ANKRD27: variants seen among roughly 807,000 people sequenced by gnomAD.
ANKRD27 encodes the protein ankyrin repeat domain 27.
A neutral mutation model predicts 129.7 loss-of-function variants in ANKRD27; 112 were observed. The ratio of observed to expected loss-of-function variants is 0.86; its 90% CI spans 0.74 to 1.01. The LOEUF (loss-of-function observed/expected upper bound fraction) is 1.01, where lower values mean the gene tolerates loss of function less well. ANKRD27 is among the 50% of genes least tolerant of loss of function. The probability of loss-of-function intolerance (pLI) is 0.00; values close to 1 mark genes in which losing one functional copy is unlikely to be tolerated. For missense variants in ANKRD27, 1,258 were observed against 1,300.5 expected, an observed-to-expected ratio of 0.97 and a Z score of 0.50; for synonymous variants, 516 against 511.2, an observed-to-expected ratio of 1.01 and a Z score of -0.13.
intron 2 of ANKRD27, among the ~76,000 whole-genome samples, chr19:32,657,780 C>G (rs1310042535): frequency 6.6e-6 from 1 of 151,988 alleles, no homozygotes; most frequent in Non-Finnish European, 1.5e-5. Context: ...TCGGGACCAG[C>G]CTGGCCAACA....
intron 12 of ANKRD27, among the ~76,000 whole-genome samples, 159 bp from the exon 13 acceptor site, chr19:32,631,653 C>T (rs1029072227): frequency 2.6e-5 from 4 of 152,158 alleles, no homozygotes; most frequent in African/African-American, 7.2e-5. Context: ...GACGGGCTGA[C>T]GTCAGGTGGG....
intron 24 of ANKRD27, 152 bp downstream of exon 24, chr19:32,605,683 G>T: frequency 9.7e-7 from 1 of 1,030,562 alleles, no homozygotes; most frequent in Non-Finnish European, 1.4e-6. Flanking sequence ...AACCCCGTGT[G>T]GGAAGACGCA....
chr19:32,646,614 T>C lies in ANKRD27; in HGVS notation c.215A>G (p.Asp72Gly), dbSNP rs780042706. 12 of 1,611,416 alleles carry C rather than the reference T, an allele frequency of 7.4e-6. No homozygotes were observed. The highest frequency in any genetic ancestry group is 1.3e-5 in the African/African-American group (1 of 74,754). The change falls in exon 4 of 29, where the codon GAT (aspartate) becomes GGT (glycine). Residue 72 changes from aspartate to glycine, a missense_variant and splice_region_variant. Asp to Gly is a moderately conservative substitution (Grantham distance 94). Transcript: ENST00000306065. Reference protein sequence around the residue: ...EEHFQTLNGKDVFIQGNRIKL... With the variant: ...EEHFQTLNGKGVFIQGNRIKL... The stretch of plus-strand genomic sequence containing the variant: ...AATCCTGTTCCCTTGAATAAAGACA[T>C]CCTGGAAACAAGAAAGCCATCACTG...
At chr19:32,649,424 A>AG (rs34560331) in intron 3 of ANKRD27, among the ~76,000 whole-genome samples, 3,645 of 152,280 alleles carry the variant, frequency 0.024, 64 homozygotes, top group East Asian at 0.11. Context: ...ACACGGCAGA[A>AG]ACCCCATCAC....
Position 32,605,848 on chromosome 19 carries a change from G to A in ANKRD27, c.2480C>T (p.Ala827Val), listed in dbSNP as rs1461965052. The A allele has an allele frequency of 1.2e-6, 2 of 1,613,760 alleles. No individual in the cohort carries two copies. The highest frequency in any genetic ancestry group is 1.1e-5 in the South Asian group (1 of 91,068). Residue 827 changes from alanine to valine, a missense_variant, in exon 24 of 29, where the codon GCA (alanine) becomes GTA (valine). Coordinates refer to ENST00000306065, the MANE Select transcript of ANKRD27 (RefSeq NM_032139.3). ...ACSGGHHELVALLLQHGASIN... is the reference protein window; with the variant it reads ...ACSGGHHELVVLLLQHGASIN... Reference sequence around the variant, plus strand: ...AGGGGCCCTCACCTGTAGCAGCAGTGCCACAAGCTCGTGATGGCCACCGGA... The same window carrying A: ...AGGGGCCCTCACCTGTAGCAGCAGTACCACAAGCTCGTGATGGCCACCGGA...
Position 32,599,988 on chromosome 19 carries a change from A to C in ANKRD27, c.2830T>G (p.Ser944Ala). The C allele has an allele frequency of 6.2e-7, 1 of 1,612,848 alleles. No homozygotes were observed. Reference protein sequence around the residue: ...PFTRQFYFVHSAGQFKGKTSR... With the variant: ...PFTRQFYFVHAAGQFKGKTSR... ...CATACTCACTTAAACTGACCAGCTG[A>C]GTGGACAAAGTAAAACTGTCTTGTA... is the stretch of plus-strand genomic sequence containing the variant. The change falls in exon 27 of 29, where the codon TCA becomes GCA. Residue 944 changes from serine (S) to alanine (A), a missense_variant. By Grantham distance (99) the Ser-to-Ala change is moderately conservative (BLOSUM62 1). Coordinates refer to ENST00000306065, the MANE Select transcript of ANKRD27 (RefSeq NM_032139.3).
At position 32,643,473 on chromosome 19, in the gene ANKRD27, G is replaced by A; in HGVS notation, c.597C>T (p.Ala199=). The change falls in exon 7 of 29, where the codon GCC becomes GCT. Residue 199 remains alanine (A), a synonymous_variant. Transcript: ENST00000306065. ...TCAGGTTCATCTGGGCCTCCTGCTTGGCGAGCATTTTCTAGAGGGCAAGAA... is the reference window on the plus strand; with the variant it reads ...TCAGGTTCATCTGGGCCTCCTGCTTAGCGAGCATTTTCTAGAGGGCAAGAA... ...LLRDSHLKML[A]KQEAQMNLMK... 6.2e-7 allele frequency: 1 copy of A among 1,613,674 alleles called. No individual in the cohort carries two copies. The highest frequency in any genetic ancestry group is 8.5e-7 in the Non-Finnish European group (1 of 1,179,968).
chr19:32,656,789 CA>C (rs34410291), intron 2 of ANKRD27, among the ~76,000 whole-genome samples: 217 of 137,042 alleles, frequency 1.6e-3, no homozygotes, highest in Admixed American at 1.5e-3. Flanking sequence ...GACCTTATCT[CA>C]AAAAAAAAAA....
chr19:32,657,229 C>T (rs915345860), intron 2 of ANKRD27, among the ~76,000 whole-genome samples: 2 of 151,868 alleles, frequency 1.3e-5, no homozygotes, highest in African/African-American at 2.4e-5. Flanking sequence ...GCTGGGGGGC[C>T]GAGGCGGGTG....
chr19:32,658,944 C>A lies in ANKRD27; in HGVS notation c.72G>T (p.Leu24Phe). 6.2e-7 allele frequency: 1 copy of A among 1,614,062 alleles called. No individual in the cohort carries two copies. The highest frequency in any genetic ancestry group is 8.5e-7 in the Non-Finnish European group (1 of 1,180,016). Residue 24 changes from leucine (L) to phenylalanine (F), a missense_variant, in exon 2 of 29, where the codon TTG (leucine) becomes TTT (phenylalanine). By Grantham distance (22) the Leu-to-Phe change is conservative (BLOSUM62 0). Transcript: ENST00000306065. ...YLALQKCRPD[L>F]CSKVAQIHGI... The stretch of plus-strand genomic sequence containing the variant: ...CATGGATTTGGGCCACTTTGCTGCA[C>A]AAGTCAGGGCGGCACTTTTGCAGAG...
At chr19:32,642,214 A>G in intron 9 of ANKRD27, 69 bp from the exon 10 acceptor site, 1 of 1,368,538 alleles carries the variant, frequency 7.3e-7, no homozygotes, top group Non-Finnish European at 9.6e-7. Flanking sequence ...GGATCTAAGA[A>G]CACATCTCAG....
intron 2 of ANKRD27, among the ~76,000 whole-genome samples, chr19:32,656,059 A>AAAGAAAAGAAAG (rs1555747075): frequency 4.9e-4 from 32 of 65,890 alleles, no homozygotes; most frequent in African/African-American, 1.6e-3. Flanking sequence ...GAAAAGAAAG[A>AAAGAAAAGAAAG]AAAGAAAGAA....
chr19:32,633,498 T>C (rs1262604915), intron 12 of ANKRD27, among the ~76,000 whole-genome samples: 2 of 151,632 alleles, frequency 1.3e-5, no homozygotes, highest in Non-Finnish European at 2.9e-5. Flanking sequence ...GCACCGCTAA[T>C]TTTTTGTAAA....
intron 21 of ANKRD27, 136 bp from the exon 22 acceptor site, chr19:32,615,916 G>T: frequency 8.2e-7 from 1 of 1,224,168 alleles, no homozygotes; most frequent in Non-Finnish European, 1.1e-6. Context: ...TTTATAACCG[G>T]CTTCTGCTCC....
intron 1 of ANKRD27, 130 bp from the exon 2 acceptor site, chr19:32,659,175 G>C: frequency 1.9e-6 from 1 of 534,280 alleles, no homozygotes; most frequent in South Asian, 2.1e-5. Context: ...GTCTCACTCT[G>C]TCGCCCAGGC....
chr19:32,610,607 T>G (rs8108683), intron 22 of ANKRD27, among the ~76,000 whole-genome samples: 2 of 150,178 alleles, frequency 1.3e-5, no homozygotes, highest in African/African-American at 4.9e-5. Context: ...GCATGGCCAA[T>G]ATGGCAAAAC....
rs1183260918 is a variant in ANKRD27 at position 32,635,159 on chromosome 19, T to C, written c.1117-3665A>G. Among the ~76,000 whole-genome samples the C allele has an allele frequency of 2.6e-5, 4 of 151,974 alleles. No homozygotes were observed. The East Asian group carries it at 7.8e-4, about 29-fold the overall frequency. ...AGGGGATGGGAGCATCTTTGAGAGGTGGACACCTCCTTCCAGGTGACCAGA... is the reference window on the plus strand; with the variant it reads ...AGGGGATGGGAGCATCTTTGAGAGGCGGACACCTCCTTCCAGGTGACCAGA... On this transcript the variant is annotated intron_variant, in intron 12 of 28. Coordinates refer to ENST00000306065, the MANE Select transcript of ANKRD27 (RefSeq NM_032139.3).
chr19:32,656,088 AAAG>A lies in ANKRD27; in HGVS notation c.102+2823_102+2825del, dbSNP rs1308973765. On this transcript the variant is annotated intron_variant, in intron 2 of 28. Coordinates refer to ENST00000306065, the MANE Select transcript of ANKRD27 (RefSeq NM_032139.3). ...GAAAGAAAGAAAGAAAGAAAGAAAGAAAGAAAGAAAGAAAGAAAGAAAAGAAAA... is the reference window on the plus strand; with the variant it reads ...GAAAGAAAGAAAGAAAGAAAGAAAGAAAAGAAAGAAAGAAAGAAAAGAAAA... Among the ~76,000 whole-genome samples, 11 of 119,762 alleles carry A rather than the reference AAAG, an allele frequency of 9.2e-5. No individual in the cohort carries two copies. In the East Asian group the frequency reaches 2.2e-3, roughly 24 times the overall value. 78.6% of individuals were successfully genotyped at this position (119,762 alleles called of 152,430 possible).
intron 12 of ANKRD27, among the ~76,000 whole-genome samples, chr19:32,635,348 C>A (rs1033126717): frequency 6.6e-6 from 1 of 152,196 alleles, no homozygotes; most frequent in African/African-American, 2.4e-5. Context: ...GTTCCCACAG[C>A]CTCATAGAAA....
Sources: allele counts gnomAD v4.1 joint callset (sites outside exome capture counted in the v4.1 genomes callset), GRCh38; gene constraint gnomAD v4.1.1; transcripts MANE v1.5; gene names NCBI Gene and HGNC (gene_info 2026-07-23, HGNC 2026-07-21).